Variants in ARHGAP36 observed in about 807,000 individuals in gnomAD.
ARHGAP36 encodes rho GTPase-activating protein 36.
ARHGAP36 carries 7 observed loss-of-function variants against 32.9 expected under a neutral mutation model. That is an observed-to-expected ratio of 0.21 (90% CI 0.12 to 0.40). ARHGAP36 has a LOEUF of 0.40. ARHGAP36 is among the 10% of genes least tolerant of loss of function. ARHGAP36 has a pLI of 1.00. For missense variants in ARHGAP36, 383 were observed against 442.2 expected, an observed-to-expected ratio of 0.87 and a Z score of 1.20; for synonymous variants, 165 against 168.3, an observed-to-expected ratio of 0.98 and a Z score of 0.15.
chrX:131,088,362 C>T (rs1449140717), intron 11 of ARHGAP36, among the ~76,000 whole-genome samples: 1 of 112,118 alleles, frequency 8.9e-6, no homozygotes, highest in African/African-American at 3.2e-5. Flanking sequence ...ATTGTCCATT[C>T]CCTCTGAGCG....
chrX:131,089,797 T>A lies in ARHGAP36; in HGVS notation c.*1012T>A, dbSNP rs1436938973. 2 of 112,483 alleles carry A rather than the reference T, an allele frequency of 1.8e-5. No individual in the cohort carries two copies. The highest frequency in any genetic ancestry group is 6.5e-5 in the African/African-American group (2 of 30,812). 9.3% of individuals were successfully genotyped at this position (112,483 alleles called of 1,213,427 possible). On this transcript the variant is annotated 3_prime_UTR_variant, in exon 12 of 12. Coordinates refer to ENST00000276211, the MANE Select transcript of ARHGAP36 (RefSeq NM_144967.4). ...GGATAGAAATTGATCATTTAATGGG[T>A]AACAACTGCTGAGCTCAAAGATTTG...
chrX:131,058,368 C>T lies in ARHGAP36; in HGVS notation c.-219C>T, dbSNP rs1213318551. ...GACGCAAAGGTTAACTGCGAGCTGC[C>T]GGGCACTCAGCGCGGGTCATGGCGT... On this transcript the variant is annotated 5_prime_UTR_variant, in exon 1 of 12. Coordinates refer to ENST00000276211, the MANE Select transcript of ARHGAP36 (RefSeq NM_144967.4). 14 of 1,124,730 alleles carry T rather than the reference C, an allele frequency of 1.2e-5. No homozygotes were observed. Among genetic ancestry groups the T allele is most frequent in the Middle Eastern group, 2.4e-4 (1 of 4,195 alleles). 92.7% of individuals were successfully genotyped at this position (1,124,730 alleles called of 1,213,427 possible).
In ARHGAP36 at chrX:131,081,533, C is replaced by T. The variant is rs1467108253; in HGVS notation, c.-133C>T. On this transcript the variant is annotated 5_prime_UTR_variant, in exon 2 of 12. Transcript: ENST00000276211. ...TTTTTTTCTTTTTTAGCAAAAACAA[C>T]CAGAGGCTGCTCTGCTTGAGGGTGA... is the stretch of plus-strand genomic sequence containing the variant. 1 of 1,067,123 alleles carries T rather than the reference C, an allele frequency of 9.4e-7. No individual in the cohort carries two copies. Among genetic ancestry groups the T allele is most frequent in the Non-Finnish European group, 1.2e-6 (1 of 829,707 alleles). The allele number at this position is 1,067,123 out of a possible 1,213,427, so 87.9% of individuals were successfully genotyped here. A position where few individuals can be genotyped will look rare whatever the true frequency, so the allele number is the denominator to read the frequency against.
In ARHGAP36 at chrX:131,083,203, T is replaced by C. The variant is rs1164774372; in HGVS notation, c.292T>C (p.Phe98Leu). ...IDRPNTLDKW[F>L]LILRGQQRAV... ...CCGTCCGAACACCTTGGATAAGTGG[T>C]TTCTGATTTTGAGAGGACAGCAGAG... The change falls in exon 3 of 12, where the codon TTT becomes CTT. Residue 98 changes from phenylalanine to leucine, a missense_variant. Physicochemically the swap from Phe to Leu is conservative, Grantham distance 22. This residue lies in a region of ARHGAP36 where 156 missense variants were observed against 131.0 expected (regional missense o/e 1.19). Coordinates refer to ENST00000276211, the MANE Select transcript of ARHGAP36 (RefSeq NM_144967.4). The C allele has an allele frequency of 8.3e-7, 1 of 1,209,753 alleles. No individual in the cohort carries two copies. Among genetic ancestry groups the C allele is most frequent in the African/African-American group, 1.7e-5 (1 of 57,266 alleles).
chrX:131,073,851 T>G (rs1314601226), intron 1 of ARHGAP36, among the ~76,000 whole-genome samples: 2 of 110,802 alleles, frequency 1.8e-5, no homozygotes, highest in Non-Finnish European at 3.8e-5. Flanking sequence ...GATGGATGGA[T>G]GGATAGACAG....
At chrX:131,086,743 G>T (rs949695814) in intron 11 of ARHGAP36, 78 bp downstream of exon 11, 3 of 905,771 alleles carry the variant, frequency 3.3e-6, no homozygotes, top group Non-Finnish European at 3.1e-6. Context: ...TGAAGGCCAG[G>T]TCGTTGCTGA....
At position 131,086,566 on chromosome X, in the gene ARHGAP36, C is replaced by T. The variant is rs775020250; in HGVS notation, c.1387C>T (p.Arg463Cys). The T allele has an allele frequency of 4.1e-6, 5 of 1,210,653 alleles. No homozygotes were observed. Among genetic ancestry groups the T allele is most frequent in the East Asian group, 3.0e-5 (1 of 33,838 alleles). ...RRNLRKIQSA[R>C]IKMEEDALLS... ...AAAATCCTTCCCATTCAGGAGTGCA[C>T]GCATAAAGATGGAAGAGGATGCACT... is the stretch of plus-strand genomic sequence containing the variant. The change falls in exon 11 of 12, where the codon CGC becomes TGC. Residue 463 changes from arginine to cysteine, a missense_variant. Physicochemically the swap from Arg to Cys is radical, Grantham distance 180 (BLOSUM62 -3). Transcript: ENST00000276211.
chrX:131,079,605 A>C (rs1259090713), intron 1 of ARHGAP36, among the ~76,000 whole-genome samples: 1 of 90,043 alleles, frequency 1.1e-5, no homozygotes, highest in Admixed American at 1.2e-4. Context: ...TATTTAGATT[A>C]TTGCATGATA....
At chrX:131,077,632 C>A (rs1209821669) in intron 1 of ARHGAP36, among the ~76,000 whole-genome samples, 1 of 109,691 alleles carries the variant, frequency 9.1e-6, no homozygotes, top group African/African-American at 3.4e-5. Context: ...GAGAAACAGG[C>A]TTGATGCCAT....
At chrX:131,074,493 G>C (rs1179740187) in intron 1 of ARHGAP36, among the ~76,000 whole-genome samples, 1 of 111,179 alleles carries the variant, frequency 9.0e-6, no homozygotes, top group Non-Finnish European at 1.9e-5. Context: ...GAAGCTTTGA[G>C]AGAGGCAAGG....
At chrX:131,081,415 C>G in intron 1 of ARHGAP36, 109 bp from the exon 2 acceptor site, 1,536 of 412,887 alleles carry the variant, frequency 3.7e-3, no homozygotes, top group East Asian at 5.2e-3. Context: ...TTTATTTTTT[C>G]TTCTTATTTT....
chrX:131,081,723 C>T lies in ARHGAP36; in HGVS notation c.58C>T (p.Pro20Ser). Residue 20 changes from proline (P) to serine (S), a missense_variant, in exon 2 of 12, where the codon CCC becomes TCC. Physicochemically the swap from Pro to Ser is moderately conservative, Grantham distance 74. Transcript: ENST00000276211. ...AAGGGCACTGTGCCCCAGAATCATG[C>T]CCCCTTTGCTGTTGTTGTCCGCCTT... is the stretch of plus-strand genomic sequence containing the variant. Reference protein sequence around the residue: ...AARALCPRIMPPLLLLSAFIF... With the variant: ...AARALCPRIMSPLLLLSAFIF... 1.7e-6 allele frequency: 2 copies of T among 1,211,690 alleles called. No homozygotes were observed. Among genetic ancestry groups the T allele is most frequent in the Non-Finnish European group, 2.2e-6 (2 of 895,476 alleles).
chrX:131,083,352 C>T (rs923825547), intron 3 of ARHGAP36, 122 bp downstream of exon 3: 5 of 702,816 alleles, frequency 7.1e-6, no homozygotes, highest in Admixed American at 3.2e-5. Context: ...TCCTCAGCTC[C>T]CAAACCCCAC....
intron 1 of ARHGAP36, among the ~76,000 whole-genome samples, chrX:131,074,838 A>G (rs912459647): frequency 8.9e-6 from 1 of 111,942 alleles, no homozygotes; most frequent in African/African-American, 3.3e-5. Context: ...CAAGGAAGCC[A>G]AAGTTCAGGA....
chrX:131,080,645 G>C lies in ARHGAP36; in HGVS notation c.-142-879G>C, dbSNP rs1278080453. Among the ~76,000 whole-genome samples the C allele has an allele frequency of 1.8e-5, 2 of 111,982 alleles. 1 individual carries two copies. The highest frequency in any genetic ancestry group is 6.5e-5 in the African/African-American group (2 of 30,803). On this transcript the variant is annotated intron_variant, in intron 1 of 11. Coordinates refer to ENST00000276211, the MANE Select transcript of ARHGAP36 (RefSeq NM_144967.4). ...CATGGAGAAGGCACATATAAAATAG[G>C]TTTTACCATTACACTAAGACAAACT...
At chrX:131,084,861 A>G in intron 6 of ARHGAP36, 53 bp from the exon 7 acceptor site, 2 of 1,200,909 alleles carry the variant, frequency 1.7e-6, no homozygotes, top group African/African-American at 1.7e-5. Flanking sequence ...GGAATGACCA[A>G]GATGGAGCTG....
intron 1 of ARHGAP36, among the ~76,000 whole-genome samples, chrX:131,065,892 G>A (rs952874176): frequency 9.0e-6 from 1 of 111,710 alleles, no homozygotes; most frequent in Non-Finnish European, 1.9e-5. Flanking sequence ...GAAAAGTGGC[G>A]AAGTGACTCA....
At chrX:131,061,158 G>A (rs768433270) in intron 1 of ARHGAP36, among the ~76,000 whole-genome samples, 1 of 109,339 alleles carries the variant, frequency 9.1e-6, no homozygotes, top group South Asian at 4.0e-4. Context: ...GGTTTATTTT[G>A]TCTTCATTAG....
chrX:131,083,571 C>A (rs763368634), intron 3 of ARHGAP36, 163 bp from the exon 4 acceptor site: 10 of 534,088 alleles, frequency 1.9e-5, no homozygotes, highest in Non-Finnish European at 3.2e-5. Context: ...CAAACCACTG[C>A]GGGGTCTTTT....
Sources: gnomAD v4.1 joint callset for allele counts (sites outside exome capture counted in the v4.1 genomes callset) on GRCh38, gnomAD v4.1.1 for gene constraint, gnomAD v4.1.1 regional missense constraint, MANE v1.5 for transcripts, NCBI Gene and HGNC (gene_info 2026-07-23, HGNC 2026-07-21) for gene names.